Variants in LEO1 observed in about 807,000 individuals in gnomAD.
LEO1 encodes the protein RNA polymerase-associated protein LEO1.
LEO1 carries 34 observed loss-of-function variants against 80.4 expected under a neutral mutation model. The ratio of observed to expected loss-of-function variants is 0.42; its 90% CI spans 0.32 to 0.56. The LOEUF is 0.56. Among genes scored for constraint, LEO1 ranks in the 20% least tolerant of loss-of-function variants. LEO1 has a pLI of 0.10. For missense variants in LEO1, 631 were observed against 814.2 expected, an observed-to-expected ratio of 0.77 and a Z score of 2.74; for synonymous variants, 262 against 274.9, an observed-to-expected ratio of 0.95 and a Z score of 0.46.
At chr15:51,938,894 A>G (rs754560593) in intron 11 of LEO1, among the ~76,000 whole-genome samples, 1 of 152,190 alleles carries the variant, frequency 6.6e-6, no homozygotes, top group Non-Finnish European at 1.5e-5. Flanking sequence ...ACTGACACTA[A>G]ATGGGATGGG....
intron 5 of LEO1, 46 bp from the exon 6 acceptor site, chr15:51,958,872 A>G: frequency 1.0e-6 from 1 of 976,884 alleles, no homozygotes; most frequent in Non-Finnish European, 1.6e-6. Context: ...TTTTATAAAG[A>G]ATATTACTGC....
intron 3 of LEO1, 24 bp downstream of exon 3, chr15:51,962,365 A>G (rs1021153246): frequency 7.1e-7 from 1 of 1,399,962 alleles, no homozygotes; most frequent in Non-Finnish European, 1.0e-6. Flanking sequence ...GGAAATATAC[A>G]TATATATATA....
chr15:51,943,835 A>G (rs973398462), intron 11 of LEO1, among the ~76,000 whole-genome samples: 1 of 152,174 alleles, frequency 6.6e-6, no homozygotes, highest in African/African-American at 2.4e-5. Flanking sequence ...GGGTAACTGA[A>G]ATGAAATGTG....
intron 11 of LEO1, chr15:51,947,018 C>G: frequency 2.5e-6 from 1 of 399,696 alleles, no homozygotes; most frequent in Admixed American, 4.5e-5. Context: ...AGTGACCTAC[C>G]AGAGACAGGA....
intron 3 of LEO1, among the ~76,000 whole-genome samples, chr15:51,961,951 C>A (rs997374071): frequency 3.3e-5 from 5 of 151,826 alleles, no homozygotes; most frequent in Non-Finnish European, 7.4e-5. Context: ...CACTTGAGAT[C>A]AGGAGTTCGA....
intron 5 of LEO1, among the ~76,000 whole-genome samples, chr15:51,959,060 T>C (rs1475997796): frequency 6.6e-6 from 1 of 151,554 alleles, no homozygotes; most frequent in Non-Finnish European, 1.5e-5. Context: ...TGGAGTGCAA[T>C]GGCACGATCT....
Position 51,958,755 on chromosome 15 carries a change from C to G in LEO1, c.1232G>C (p.Arg411Thr). The change falls in exon 6 of 12, where the codon AGG becomes ACG. Residue 411 changes from arginine (R) to threonine (T), a missense_variant. Physicochemically the swap from Arg to Thr is moderately conservative, Grantham distance 71. This residue lies in a region of LEO1 where 95 missense variants were observed against 171.7 expected (regional missense o/e 0.55). Transcript: ENST00000299601. ...EEMLDEEGRT[R>T]LKLKVENTIR... is the part of the protein sequence containing the mutation. ...ATGAAATGGTACCTTTAATTTTAAC[C>G]TGGTTCTACCTTCTTCATCCAGCAT... is the stretch of plus-strand genomic sequence containing the variant. The G allele has an allele frequency of 6.3e-7, 1 of 1,587,756 alleles. No homozygotes were observed. The highest frequency in any genetic ancestry group is 8.6e-7 in the Non-Finnish European group (1 of 1,163,586).
intron 2 of LEO1, among the ~76,000 whole-genome samples, chr15:51,964,003 G>A (rs2057053830): frequency 1.3e-5 from 2 of 151,690 alleles, no homozygotes; most frequent in African/African-American, 4.8e-5. Context: ...TCAGGAGATC[G>A]AGACCATCCT....
chr15:51,947,357 C>T lies in LEO1; in HGVS notation c.1831G>A (p.Asp611Asn). Residue 611 changes from aspartate to asparagine, a missense_variant, in exon 11 of 12, where the codon GAT becomes AAT. Coordinates refer to ENST00000299601, the MANE Select transcript of LEO1 (RefSeq NM_138792.4). ...GCTTTATCTTCTTCTGATCCCTCAT[C>T]ACTGTCTGATGAATAGATTCTGGCT... ...ERARIYSSDS[D>N]EGSEEDKAQR... is the part of the protein sequence containing the mutation. The T allele has an allele frequency of 6.2e-7, 1 of 1,613,554 alleles. No homozygotes were observed. The highest frequency in any genetic ancestry group is 2.2e-5 in the East Asian group (1 of 44,888).
rs761490063 is a variant in LEO1, at chr15:51,965,712, T to G, written c.814+37A>C. The G allele has an allele frequency of 7.7e-6, 12 of 1,557,392 alleles. No homozygotes were observed. In the East Asian group the frequency reaches 9.0e-5, roughly 12 times the overall value. On this transcript the variant is annotated intron_variant, in intron 2 of 11. Coordinates refer to ENST00000299601, the MANE Select transcript of LEO1 (RefSeq NM_138792.4). ...TGGGTCCCTGCTGTATCTGAATGCT[T>G]CTTTCTGAGCCATTCTGGTTCTCAT...
chr15:51,948,208 G>C (rs1189865263), intron 10 of LEO1, among the ~76,000 whole-genome samples: 1 of 152,046 alleles, frequency 6.6e-6, no homozygotes, highest in African/African-American at 2.4e-5. Context: ...AGCCCCTCCC[G>C]TCAAAACCCA....
chr15:51,938,475 AG>A (rs1444237797), intron 11 of LEO1, among the ~76,000 whole-genome samples: 3 of 152,240 alleles, frequency 2.0e-5, no homozygotes, highest in Non-Finnish European at 4.4e-5. Context: ...AACTGGAGAC[AG>A]GATTTGCCAC....
intron 2 of LEO1, among the ~76,000 whole-genome samples, chr15:51,964,560 A>AC (rs1419743764): frequency 2.8e-4 from 42 of 151,756 alleles, no homozygotes; most frequent in African/African-American, 9.7e-4. Flanking sequence ...AAAAAAAAAA[A>AC]AAACCTCTAC....
intron 11 of LEO1, among the ~76,000 whole-genome samples, chr15:51,940,792 A>T (rs1054598874): frequency 6.6e-6 from 1 of 152,064 alleles, no homozygotes; most frequent in Admixed American, 6.6e-5. Context: ...TACAAAAAAA[A>T]ATTTTTAATA....
intron 5 of LEO1, among the ~76,000 whole-genome samples, chr15:51,959,460 A>G (rs2057013687): frequency 6.6e-6 from 1 of 152,182 alleles, no homozygotes; most frequent in Admixed American, 6.5e-5. Flanking sequence ...GTGCCTGTGG[A>G]AAAAAAATTT....
intron 1 of LEO1, among the ~76,000 whole-genome samples, chr15:51,968,856 AC>A (rs1483899464): frequency 6.6e-6 from 1 of 152,168 alleles, no homozygotes; most frequent in Non-Finnish European, 1.5e-5. Context: ...TGAAAAAACA[AC>A]CTACAGAATG....
At chr15:51,943,059 C>T (rs1397445360) in intron 11 of LEO1, among the ~76,000 whole-genome samples, 1 of 151,196 alleles carries the variant, frequency 6.6e-6, no homozygotes, top group Non-Finnish European at 1.5e-5. Flanking sequence ...TTGAGACCAG[C>T]TTGGGCAACA....
intron 11 of LEO1, among the ~76,000 whole-genome samples, chr15:51,944,175 T>C (rs1368939398): frequency 6.6e-6 from 1 of 152,170 alleles, no homozygotes. Context: ...GTAAAAATGC[T>C]GAAAGACAGA....
At chr15:51,950,310 A>G (rs2056939044) in intron 9 of LEO1, among the ~76,000 whole-genome samples, 1 of 152,196 alleles carries the variant, frequency 6.6e-6, no homozygotes, top group Admixed American at 6.5e-5. Context: ...CCCGCCTGAG[A>G]AACCCCATTC....
Sources: gnomAD v4.1 joint callset for allele counts (sites outside exome capture counted in the v4.1 genomes callset) on GRCh38, gnomAD v4.1.1 for gene constraint, gnomAD v4.1.1 regional missense constraint, MANE v1.5 for transcripts, NCBI Gene and HGNC (gene_info 2026-07-23, HGNC 2026-07-21) for gene names.